Variants in NF1 observed in about 807,000 individuals in gnomAD.
The protein encoded by NF1 is neurofibromin.
In NF1, 122 loss-of-function variants were observed where a neutral mutation model predicts 325.7. That is an observed-to-expected ratio of 0.37 (90% CI 0.32 to 0.44). NF1 has a LOEUF of 0.44. NF1 is among the 20% of genes least tolerant of loss of function. NF1 has a pLI of 1.00. For synonymous variants in NF1, 1,091 were observed against 1,186.0 expected, an observed-to-expected ratio of 0.92 and a Z score of 1.65; for missense variants, 2,140 against 3,415.4, an observed-to-expected ratio of 0.63 and a Z score of 9.31.
At chr17:31,331,449 A>G (rs1486358083) in intron 39 of NF1, 1 of 152,208 alleles carries the variant, frequency 6.6e-6, no homozygotes. Flanking sequence ...TAAATTCTAC[A>G]TAAAAGTGCA....
intron 13 of NF1, 77 bp from the exon 14 acceptor site, chr17:31,218,928 C>G: frequency 1.3e-5 from 18 of 1,387,504 alleles, no homozygotes; most frequent in Non-Finnish European, 1.7e-5. Flanking sequence ...TTAGCAGTCA[C>G]TGTCTATTTC....
intron 36 of NF1, chr17:31,320,866 G>C (rs756870285): frequency 7.2e-5 from 12 of 165,694 alleles, no homozygotes; most frequent in Non-Finnish European, 1.3e-4. Flanking sequence ...TTAGATGCTA[G>C]AATGATTTAA....
At chr17:31,373,024 TAATC>T (rs951950145) in intron 57 of NF1, among the ~76,000 whole-genome samples, 6 of 152,154 alleles carry the variant, frequency 3.9e-5, no homozygotes, top group Non-Finnish European at 8.8e-5. Flanking sequence ...TCTAAATAAA[TAATC>T]AATCATTGTT....
intron 4 of NF1, among the ~76,000 whole-genome samples, chr17:31,165,026 CG>C (rs1017225362): frequency 1.5e-4 from 23 of 152,056 alleles, no homozygotes; most frequent in African/African-American, 5.5e-4. Flanking sequence ...ACTGCTAGGC[CG>C]GCCTTACTAT....
At chr17:31,243,465 G>C (rs2067338988) in intron 29 of NF1, among the ~76,000 whole-genome samples, 1 of 152,042 alleles carries the variant, frequency 6.6e-6, no homozygotes, top group South Asian at 2.1e-4. Context: ...GGGTACATCA[G>C]AGATCTACCT....
At chr17:31,280,904 T>G (rs1322808118) in intron 36 of NF1, among the ~76,000 whole-genome samples, 4 of 152,140 alleles carry the variant, frequency 2.6e-5, no homozygotes, top group African/African-American at 9.7e-5. Context: ...AGACTTTTTT[T>G]TCTTAAAGGA....
intron 1 of NF1, among the ~76,000 whole-genome samples, chr17:31,116,140 A>G (rs1390860249): frequency 6.6e-6 from 1 of 152,194 alleles, no homozygotes; most frequent in Non-Finnish European, 1.5e-5. Context: ...TACCAGATAG[A>G]AATCCATTGT....
chr17:31,341,715 A>ATG (rs377177861), intron 47 of NF1, among the ~76,000 whole-genome samples: 1 of 150,774 alleles, frequency 6.6e-6, no homozygotes, highest in East Asian at 1.9e-4. Context: ...GCACGTGTGC[A>ATG]TGTGTGTGTG....
chr17:31,361,796 A>T (rs1290887786), intron 57 of NF1, among the ~76,000 whole-genome samples: 1 of 152,230 alleles, frequency 6.6e-6, no homozygotes, highest in Non-Finnish European at 1.5e-5. Flanking sequence ...GGTTCTGAAG[A>T]ATTTGGCAAT....
chr17:31,323,266 A>G (rs1432886924), intron 36 of NF1, among the ~76,000 whole-genome samples: 2 of 151,998 alleles, frequency 1.3e-5, no homozygotes, highest in East Asian at 1.9e-4. Flanking sequence ...ACAAAAAACT[A>G]GCCGGGCATG....
intron 13 of NF1, among the ~76,000 whole-genome samples, chr17:31,215,961 C>T (rs2066813549): frequency 6.6e-6 from 1 of 152,094 alleles, no homozygotes; most frequent in African/African-American, 2.4e-5. Context: ...AAGGAACATT[C>T]CCAAAGGATC....
chr17:31,232,754 A>T lies in NF1; in HGVS notation c.3369A>T (p.Glu1123Asp), dbSNP rs2151434565. Residue 1123 changes from glutamate to aspartate, a missense_variant, in exon 26 of 58, where the codon GAA becomes GAT. Glu to Asp is a conservative substitution (Grantham distance 45). Transcript: ENST00000358273. ...LLNDCSEVED[E>D]SAQTGGRKRG... ...ATGACTGCAGTGAAGTTGAAGATGA[A>T]AGTGCGCAAACAGGTGGCAGGAAAC... is the stretch of plus-strand genomic sequence containing the variant. 6.2e-7 allele frequency: 1 copy of T among 1,613,964 alleles called. No homozygotes were observed. Among genetic ancestry groups the T allele is most frequent in the Admixed American group, 1.7e-5 (1 of 59,996 alleles).
chr17:31,271,818 C>G (rs562136768), intron 36 of NF1, among the ~76,000 whole-genome samples: 14 of 151,954 alleles, frequency 9.2e-5, no homozygotes, highest in Non-Finnish European at 1.8e-4. Flanking sequence ...CCCCCATCCT[C>G]TATCCCCTAT....
intron 4 of NF1, among the ~76,000 whole-genome samples, chr17:31,164,273 A>G (rs1473138186): frequency 6.6e-6 from 1 of 152,234 alleles, no homozygotes; most frequent in Non-Finnish European, 1.5e-5. Context: ...TATCAAAAAT[A>G]TAATTTAAGC....
At position 31,352,290 on chromosome 17, in the gene NF1, CA is replaced by C; in HGVS notation, c.7494del (p.Gly2499ValfsTer24). ...AGGAGACTCAGCCATGGTCCTCTCCCAAAGGTTCTGAAGGATACCTTGCAGC... is the reference window on the plus strand; with the variant it reads ...AGGAGACTCAGCCATGGTCCTCTCCCAAGGTTCTGAAGGATACCTTGCAGC... ...LKETQPWSSP[K>X]GSEGYLAATY... On this transcript the variant is annotated frameshift_variant, in exon 51 of 58. Coordinates refer to ENST00000358273, the MANE Select transcript of NF1 (RefSeq NM_001042492.3). LOFTEE classifies it high-confidence loss of function. 1 of 1,614,088 alleles carries C rather than the reference CA, an allele frequency of 6.2e-7. No individual in the cohort carries two copies. The highest frequency in any genetic ancestry group is 8.5e-7 in the Non-Finnish European group (1 of 1,180,016).
At chr17:31,129,741 T>C (rs950190265) in intron 1 of NF1, among the ~76,000 whole-genome samples, 5 of 152,192 alleles carry the variant, frequency 3.3e-5, no homozygotes, top group African/African-American at 1.2e-4. Flanking sequence ...GAAATTCTTA[T>C]AGAGTGTTTT....
intron 8 of NF1, among the ~76,000 whole-genome samples, chr17:31,185,033 C>A (rs1421227006): frequency 6.6e-6 from 1 of 152,146 alleles, no homozygotes; most frequent in African/African-American, 2.4e-5. Flanking sequence ...TTCCCCATCC[C>A]CAGTAGTGGC....
chr17:31,144,326 A>C (rs963514706), intron 1 of NF1, among the ~76,000 whole-genome samples: 1 of 152,222 alleles, frequency 6.6e-6, no homozygotes, highest in Non-Finnish European at 1.5e-5. Flanking sequence ...TACAGCAACA[A>C]GAGGGTTCTT....
At chr17:31,258,246 T>A (rs1275192847) in intron 31 of NF1, 98 bp from the exon 32 acceptor site, 1 of 1,292,268 alleles carries the variant, frequency 7.7e-7, no homozygotes, top group African/African-American at 1.5e-5. Flanking sequence ...ACTGATTGAT[T>A]CAGAGTTTTT....
Sources: allele counts gnomAD v4.1 joint callset (sites outside exome capture counted in the v4.1 genomes callset), GRCh38; gene constraint gnomAD v4.1.1; transcripts MANE v1.5; gene names NCBI Gene and HGNC (gene_info 2026-07-23, HGNC 2026-07-21).